ANKRD17: variants seen among roughly 807,000 people sequenced by gnomAD.
ANKRD17 encodes ankyrin repeat domain 17, also known as ankyrin repeat domain-containing protein 17.
A neutral mutation model predicts 229.7 loss-of-function variants in ANKRD17; 19 were observed. The ratio of observed to expected loss-of-function variants is 0.08; its 90% CI spans 0.06 to 0.12. ANKRD17 has a LOEUF of 0.12. Among genes scored for constraint, ANKRD17 ranks in the 10% least tolerant of loss-of-function variants. The pLI is 1.00. For synonymous variants in ANKRD17, 1,112 were observed against 1,146.1 expected, an observed-to-expected ratio of 0.97 and a Z score of 0.60; for missense variants, 2,176 against 3,176.8, an observed-to-expected ratio of 0.68 and a Z score of 7.57.
chr4:73,242,911 T>C (rs1465702236), intron 1 of ANKRD17, among the ~76,000 whole-genome samples: 6 of 152,182 alleles, frequency 3.9e-5, no homozygotes. Context: ...CTTTCCTATG[T>C]TTCACTACAG....
intron 1 of ANKRD17, among the ~76,000 whole-genome samples, chr4:73,196,785 A>C (rs191307989): frequency 6.6e-6 from 1 of 152,324 alleles, no homozygotes; most frequent in East Asian, 1.9e-4. Flanking sequence ...TTGCTATCTT[A>C]GCTTATTGTA....
chr4:73,160,671 T>C (rs1025652696), intron 3 of ANKRD17, among the ~76,000 whole-genome samples: 2 of 152,156 alleles, frequency 1.3e-5, no homozygotes, highest in African/African-American at 2.4e-5. Flanking sequence ...CAAGGAATTA[T>C]AGGATATAAA....
At chr4:73,211,307 G>A (rs1400932922) in intron 1 of ANKRD17, among the ~76,000 whole-genome samples, 2 of 152,042 alleles carry the variant, frequency 1.3e-5, no homozygotes, top group African/African-American at 4.8e-5. Context: ...GACAACATGG[G>A]TAATAACAGG....
intron 1 of ANKRD17, among the ~76,000 whole-genome samples, chr4:73,231,888 G>A (rs528581562): frequency 7.2e-5 from 11 of 152,320 alleles, no homozygotes; most frequent in South Asian, 4.1e-4. Flanking sequence ...AGGACAGGGC[G>A]TGAAGGGCTT....
chr4:73,184,431 A>G (rs1318812500), intron 1 of ANKRD17, among the ~76,000 whole-genome samples: 1 of 148,062 alleles, frequency 6.8e-6, no homozygotes, highest in Non-Finnish European at 1.5e-5. Context: ...CAGGAGGCTG[A>G]GACAGGAGAA....
At chr4:73,180,300 T>G (rs1301222831) in intron 1 of ANKRD17, among the ~76,000 whole-genome samples, 2 of 152,166 alleles carry the variant, frequency 1.3e-5, no homozygotes, top group Admixed American at 1.3e-4. Flanking sequence ...GTAAAAAATT[T>G]CTATGTGATA....
chr4:73,118,604 A>AT (rs1726292796), intron 22 of ANKRD17, 84 bp downstream of exon 22: 1 of 1,472,290 alleles, frequency 6.8e-7, no homozygotes, highest in Non-Finnish European at 9.3e-7. Context: ...AAAGCACAAA[A>AT]TGAGTCTTTA....
intron 1 of ANKRD17, among the ~76,000 whole-genome samples, chr4:73,219,449 C>T: frequency 6.6e-6 from 1 of 152,162 alleles, no homozygotes; most frequent in Non-Finnish European, 1.5e-5. Flanking sequence ...ACCTAGAATT[C>T]ACTATTTACC....
At chr4:73,191,180 A>G (rs1322428762) in intron 1 of ANKRD17, among the ~76,000 whole-genome samples, 1 of 152,144 alleles carries the variant, frequency 6.6e-6, no homozygotes, top group African/African-American at 2.4e-5. Context: ...ACAATAACCA[A>G]AACAGTGGAG....
At chr4:73,223,732 G>T (rs1371819121) in intron 1 of ANKRD17, among the ~76,000 whole-genome samples, 1 of 151,876 alleles carries the variant, frequency 6.6e-6, no homozygotes, top group African/African-American at 2.4e-5. Flanking sequence ...CCAAAGAAAT[G>T]GCCTTTTTCT....
At chr4:73,088,822 A>G (rs1722476474) in intron 29 of ANKRD17, among the ~76,000 whole-genome samples, 1 of 152,204 alleles carries the variant, frequency 6.6e-6, no homozygotes, top group Non-Finnish European at 1.5e-5. Flanking sequence ...CATATTTCCA[A>G]TAACACAGAT....
rs560602280 is a variant in ANKRD17 at position 73,112,633 on chromosome 4, T to C, written c.4401+1159A>G. The C allele has an allele frequency of 5.1e-5, 31 of 603,718 alleles. No individual in the cohort carries two copies. In the African/African-American group the frequency reaches 6.2e-4, roughly 12 times the overall value. 37.4% of individuals were successfully genotyped at this position (603,718 alleles called of 1,614,324 possible). A position where few individuals can be genotyped will look rare whatever the true frequency, so the allele number is the denominator to read the frequency against. ...GTACTTCAAATGATTCATATTAATG[T>C]AGGACAAAATGTAGAACTTAATAAA... On this transcript the variant is annotated intron_variant, in intron 24 of 33. Transcript: ENST00000358602.
At chr4:73,214,269 T>C (rs1740705825) in intron 1 of ANKRD17, among the ~76,000 whole-genome samples, 1 of 152,196 alleles carries the variant, frequency 6.6e-6, no homozygotes, top group African/African-American at 2.4e-5. Context: ...ATGTGATTAA[T>C]TAATAAATTT....
At chr4:73,199,318 C>A (rs1410491397) in intron 1 of ANKRD17, among the ~76,000 whole-genome samples, 1 of 151,032 alleles carries the variant, frequency 6.6e-6, no homozygotes. Context: ...GGAAAAAAAG[C>A]CAGCCAGAAA....
intron 1 of ANKRD17, among the ~76,000 whole-genome samples, chr4:73,257,728 T>C (rs1745583795): frequency 6.6e-6 from 1 of 152,084 alleles, no homozygotes; most frequent in Non-Finnish European, 1.5e-5. Context: ...TGCAGAACAG[T>C]ATGGAAAAGT....
At chr4:73,182,721 A>G (rs1377831405) in intron 1 of ANKRD17, among the ~76,000 whole-genome samples, 2 of 152,230 alleles carry the variant, frequency 1.3e-5, no homozygotes, top group Admixed American at 1.3e-4. Flanking sequence ...AGACGTGTAA[A>G]TAACTTCCAG....
chr4:73,165,443 T>C (rs961919537), intron 2 of ANKRD17, among the ~76,000 whole-genome samples: 7 of 152,200 alleles, frequency 4.6e-5, no homozygotes, highest in Non-Finnish European at 8.8e-5. Context: ...TGATAAGTAG[T>C]GAAATCCTCA....
chr4:73,141,984 T>C (rs1349745478), intron 13 of ANKRD17, 141 bp from the exon 14 acceptor site: 2 of 862,368 alleles, frequency 2.3e-6, no homozygotes, highest in African/African-American at 1.7e-5. Context: ...ACTTAAAATA[T>C]GTTGGCACCA....
At chr4:73,163,029 C>CTTTTTTTTTT (rs769597979) in intron 2 of ANKRD17, among the ~76,000 whole-genome samples, 1 of 135,826 alleles carries the variant, frequency 7.4e-6, no homozygotes. Context: ...TGGCTAATTG[C>CTTTTTTTTTT]TTTTTTTTTT....
Sources: gnomAD v4.1 joint callset for allele counts (sites outside exome capture counted in the v4.1 genomes callset) on GRCh38, gnomAD v4.1.1 for gene constraint, MANE v1.5 for transcripts, NCBI Gene and HGNC (gene_info 2026-07-23, HGNC 2026-07-21) for gene names.